CUX1: variants seen among roughly 807,000 people sequenced by gnomAD.
CUX1 encodes the protein protein CASP.
CUX1 carries 31 observed loss-of-function variants against 158.8 expected under a neutral mutation model. The ratio of observed to expected loss-of-function variants is 0.20; its 90% CI spans 0.15 to 0.26. The LOEUF is 0.26. Ranked by LOEUF, CUX1 falls within the 10% of genes least tolerant of loss-of-function variation. The probability of loss-of-function intolerance (pLI) is 1.00; values close to 1 mark genes in which losing one functional copy is unlikely to be tolerated. For missense variants in CUX1, 1,589 were observed against 2,014.6 expected (o/e 0.79, Z 4.04); for synonymous variants, 879 against 862.1 (o/e 1.02, Z -0.34).
At chr7:102,155,381 CAAAAAAAA>C in intron 8 of CUX1, among the ~76,000 whole-genome samples, 1 of 110,156 alleles carries the variant, frequency 9.1e-6, no homozygotes, top group Non-Finnish European at 2.0e-5. Flanking sequence ...TTGTCTCTAC[CAAAAAAAA>C]AAAAAAAAAA....
chr7:102,195,596 C>T lies in CUX1; in HGVS notation c.1215C>T (p.Asp405=). The T allele has an allele frequency of 6.2e-7, 1 of 1,607,302 alleles. No individual in the cohort carries two copies. The highest frequency in any genetic ancestry group is 8.5e-7 in the Non-Finnish European group (1 of 1,177,814). Reference sequence around the variant, plus strand: ...CCGCGCTGCGCATCTCCAACAGCGACCTGAGCGGTAGGTTGGCCGGGCTTC... The same window carrying T: ...CCGCGCTGCGCATCTCCAACAGCGATCTGAGCGGTAGGTTGGCCGGGCTTC... ...ENAALRISNS[D]LSGSARRKGK... is the part of the protein sequence containing the mutation. Residue 405 remains aspartate, a synonymous_variant, in exon 14 of 24, where the codon GAC becomes GAT. Transcript: ENST00000292535.
chr7:102,080,086 C>A (rs1411184675), intron 4 of CUX1, among the ~76,000 whole-genome samples: 1 of 152,218 alleles, frequency 6.6e-6, no homozygotes, highest in Non-Finnish European at 1.5e-5. Context: ...GCAGGCATGA[C>A]AAGATGGGCG....
chr7:102,117,846 G>A (rs999065932), intron 8 of CUX1, among the ~76,000 whole-genome samples: 12 of 152,212 alleles, frequency 7.9e-5, no homozygotes, highest in Non-Finnish European at 1.5e-4. Context: ...TGCCTGTGGG[G>A]TAGGATGGGG....
At chr7:102,005,766 G>A (rs1585246534) in intron 2 of CUX1, among the ~76,000 whole-genome samples, 1 of 152,158 alleles carries the variant, frequency 6.6e-6, no homozygotes, top group African/African-American at 2.4e-5. Context: ...CAGCAGCTCA[G>A]CCTCTGGAAA....
In CUX1 at chr7:102,239,482, C is replaced by T; in HGVS notation, c.3785C>T (p.Ala1262Val). ...GAGGAGAAGGAGGCGCTGAAACGAG[C>T]GTATCAGCAAAAGCCATACCCGTCA... is the stretch of plus-strand genomic sequence containing the variant. ...APEEKEALKR[A>V]YQQKPYPSPK... Residue 1262 changes from alanine to valine, a missense_variant, in exon 23 of 24, where the codon GCG becomes GTG. By Grantham distance (64) the Ala-to-Val change is moderately conservative. Around this residue, in one of 8 missense-constraint regions of CUX1, gnomAD observed 259 missense variants for 373.8 expected, o/e 0.69. Transcript: ENST00000292535. 1.2e-6 allele frequency: 2 copies of T among 1,614,108 alleles called. No individual in the cohort carries two copies. The highest frequency in any genetic ancestry group is 1.7e-6 in the Non-Finnish European group (2 of 1,179,984).
intron 3 of CUX1, among the ~76,000 whole-genome samples, chr7:102,056,745 A>G (rs923850901): frequency 2.7e-5 from 4 of 150,710 alleles, no homozygotes; most frequent in African/African-American, 9.8e-5. Flanking sequence ...TACTTTTTGT[A>G]TTTTTAGAAG....
intron 2 of CUX1, among the ~76,000 whole-genome samples, chr7:101,972,825 G>A (rs539504696): frequency 2.4e-4 from 37 of 152,304 alleles, no homozygotes; most frequent in East Asian, 7.7e-4. Context: ...AGCTCGCCGC[G>A]TGGTAACCAA....
chr7:101,877,423 A>G (rs936062178), intron 1 of CUX1, among the ~76,000 whole-genome samples: 1 of 152,216 alleles, frequency 6.6e-6, no homozygotes, highest in Non-Finnish European at 1.5e-5. Context: ...ACAGTGGCTC[A>G]TGCCTGTAAA....
chr7:102,208,179 C>A (rs375972252), intron 20 of CUX1, among the ~76,000 whole-genome samples: 38 of 152,100 alleles, frequency 2.5e-4, no homozygotes, highest in African/African-American at 8.9e-4. Flanking sequence ...CAGACGGAGA[C>A]CCTGTCTCAA....
chr7:102,272,425 C>T (rs1292049514), intron 14 of CUX1, among the ~76,000 whole-genome samples: 7 of 152,238 alleles, frequency 4.6e-5, no homozygotes, highest in African/African-American at 1.7e-4. Flanking sequence ...GTGCAGCCTA[C>T]CCCAAAGGAC....
chr7:102,180,546 G>C (rs1321647072), intron 11 of CUX1, among the ~76,000 whole-genome samples: 8 of 151,678 alleles, frequency 5.3e-5, no homozygotes, highest in Non-Finnish European at 8.8e-5. Flanking sequence ...GGCTGGTCTG[G>C]GACGCCTGGG....
At chr7:102,180,392 C>T (rs1792902155) in intron 11 of CUX1, among the ~76,000 whole-genome samples, 1 of 148,642 alleles carries the variant, frequency 6.7e-6, no homozygotes, top group Non-Finnish European at 1.5e-5. Flanking sequence ...TCATAGTTCA[C>T]GGCAACCTCG....
At chr7:102,030,179 G>A (rs1585338540) in intron 3 of CUX1, among the ~76,000 whole-genome samples, 2 of 152,106 alleles carry the variant, frequency 1.3e-5, no homozygotes, top group East Asian at 3.9e-4. Context: ...GCTCAGCTGA[G>A]TTTTGTATTT....
At chr7:101,821,552 A>C (rs571038654) in intron 1 of CUX1, among the ~76,000 whole-genome samples, 44 of 148,278 alleles carry the variant, frequency 3.0e-4, no homozygotes, top group Middle Eastern at 3.7e-3. Context: ...GTTAGCCCGG[A>C]TGGTCTCGAT....
intron 2 of CUX1, among the ~76,000 whole-genome samples, chr7:101,990,345 G>T (rs1262691665): frequency 6.6e-6 from 1 of 151,938 alleles, no homozygotes; most frequent in African/African-American, 2.4e-5. Flanking sequence ...CTGGGCAACA[G>T]AGCCAGACCC....
intron 2 of CUX1, among the ~76,000 whole-genome samples, chr7:101,980,005 G>A (rs1813217699): frequency 6.6e-6 from 1 of 152,164 alleles, no homozygotes; most frequent in Non-Finnish European, 1.5e-5. Flanking sequence ...CCAGCGCTGT[G>A]AGTATGAGTA....
intron 2 of CUX1, among the ~76,000 whole-genome samples, chr7:102,022,981 G>T (rs1331442044): frequency 6.6e-6 from 1 of 152,180 alleles, no homozygotes; most frequent in Non-Finnish European, 1.5e-5. Context: ...TTGGGAGGCC[G>T]AGGTGGGCAG....
chr7:102,283,308 G>C, exon 23 of CUX1: 1 of 570,982 alleles, frequency 1.8e-6, no homozygotes, highest in Non-Finnish European at 3.2e-6. Context: ...CCCAATGCCC[G>C]GCCAGGCTAA....
rs1470307852 is a variant in CUX1 at position 102,218,657 on chromosome 7, C to T, written c.3131-8710C>T. On this transcript the variant is annotated intron_variant, in intron 20 of 23. Coordinates refer to ENST00000292535, the MANE Select transcript of CUX1 (RefSeq NM_181552.4). ...GAGCCGTGATTACGCCACTGCACTC[C>T]AGCCTGGGCAACAGGGTGAGACCAT... Among the ~76,000 whole-genome samples, 5 of 152,016 alleles carry T rather than the reference C, an allele frequency of 3.3e-5. No individual in the cohort carries two copies. The South Asian group carries it at 1.0e-3, about 32-fold the overall frequency.
Sources: allele counts gnomAD v4.1 joint callset (sites outside exome capture counted in the v4.1 genomes callset), GRCh38; gene constraint gnomAD v4.1.1; regional missense constraint gnomAD v4.1.1; transcripts MANE v1.5; gene names NCBI Gene and HGNC (gene_info 2026-07-23, HGNC 2026-07-21).